ENTREP2: variants seen among roughly 807,000 people sequenced by gnomAD.
ENTREP2 encodes the protein protein ENTREP2.
chr15:29,548,928 CAACTT>C, the ENTREP2 span, among the ~76,000 whole-genome samples: 10 of 152,268 alleles, frequency 6.6e-5, no homozygotes, highest in South Asian at 1.5e-3. Context: ...TAATGAACTG[CAACTT>C]AACTTAGTAT....
the ENTREP2 span, among the ~76,000 whole-genome samples, chr15:29,537,531 A>T: frequency 6.6e-6 from 1 of 152,142 alleles, no homozygotes; most frequent in Non-Finnish European, 1.5e-5. Context: ...AGTACATGCA[A>T]ATCCAACTAT....
the ENTREP2 span, among the ~76,000 whole-genome samples, chr15:29,451,170 C>T: frequency 1.3e-5 from 2 of 152,216 alleles, no homozygotes; most frequent in Non-Finnish European, 2.9e-5. Context: ...TGCAGTTGTT[C>T]CCACTGAGCC....
the ENTREP2 span, among the ~76,000 whole-genome samples, chr15:29,544,738 A>C: frequency 0.015 from 2,279 of 152,198 alleles, 62 homozygotes; most frequent in African/African-American, 0.052. Context: ...TAGGTTCTGA[A>C]TTTCTTAAGG....
At chr15:29,587,473 A>G in the ENTREP2 span, among the ~76,000 whole-genome samples, 1 of 152,170 alleles carries the variant, frequency 6.6e-6, no homozygotes. Context: ...ATTGTAAGGC[A>G]TTCAAACCTA....
chr15:29,224,528 A>G, the ENTREP2 span, among the ~76,000 whole-genome samples: 56,027 of 151,958 alleles, frequency 0.37, 10,997 homozygotes, highest in East Asian at 0.6. Context: ...CTTTGACAGG[A>G]TGCTGATTGG....
At chr15:29,665,945 C>T in the ENTREP2 span, among the ~76,000 whole-genome samples, 260 of 151,440 alleles carry the variant, frequency 1.7e-3, 2 homozygotes, top group African/African-American at 6.1e-3. Flanking sequence ...CCTTCGCCTC[C>T]CGGGTTCAAA....
At chr15:29,514,054 G>A in the ENTREP2 span, among the ~76,000 whole-genome samples, 8 of 152,164 alleles carry the variant, frequency 5.3e-5, no homozygotes, top group Non-Finnish European at 8.8e-5. Flanking sequence ...TGGGGCAAGT[G>A]TTTTGCTTCT....
the ENTREP2 span, among the ~76,000 whole-genome samples, chr15:29,462,505 G>A: frequency 2.6e-5 from 4 of 152,074 alleles, no homozygotes; most frequent in Non-Finnish European, 5.9e-5. Context: ...AGCTACTCGG[G>A]AGGCTGAGGC....
the ENTREP2 span, among the ~76,000 whole-genome samples, chr15:29,195,888 T>C: frequency 6.6e-6 from 1 of 152,226 alleles, no homozygotes; most frequent in African/African-American, 2.4e-5. Context: ...AGAATTGGGT[T>C]CACTCTTCTT....
the ENTREP2 span, among the ~76,000 whole-genome samples, chr15:29,521,334 C>T: frequency 1.3e-5 from 2 of 152,242 alleles, no homozygotes; most frequent in East Asian, 1.9e-4. Flanking sequence ...ATAGCATAGC[C>T]GCAACAACTT....
chr15:29,266,935 A>G, the ENTREP2 span: 3 of 152,222 alleles, frequency 2.0e-5, no homozygotes, highest in Non-Finnish European at 1.5e-5. Flanking sequence ...CTGCTGGGTA[A>G]TAATTTTTAT....
the ENTREP2 span, among the ~76,000 whole-genome samples, chr15:29,264,658 C>G: frequency 6.6e-6 from 1 of 152,096 alleles, no homozygotes; most frequent in South Asian, 2.1e-4. Flanking sequence ...TCATAATAGT[C>G]AAGGAAAGAC....
the ENTREP2 span, among the ~76,000 whole-genome samples, chr15:29,665,131 G>A: frequency 0.058 from 8,767 of 152,288 alleles, 743 homozygotes; most frequent in African/African-American, 0.19. Flanking sequence ...CTGGCTCCCA[G>A]CCAGAGACCT....
At chr15:29,179,231 G>A in the ENTREP2 span, among the ~76,000 whole-genome samples, 3 of 152,216 alleles carry the variant, frequency 2.0e-5, no homozygotes, top group Admixed American at 1.3e-4. Context: ...TGCTGGTTTG[G>A]AACTGCTCTC....
At chr15:29,656,206 T>G in the ENTREP2 span, among the ~76,000 whole-genome samples, 1 of 151,712 alleles carries the variant, frequency 6.6e-6, no homozygotes, top group Admixed American at 6.6e-5. Context: ...ATCTGTGCTA[T>G]CAATATAAGA....
At chr15:29,151,595 A>G in the ENTREP2 span, 1 of 645,918 alleles carries the variant, frequency 1.5e-6, no homozygotes, top group Admixed American at 2.5e-5. Flanking sequence ...TTGGTCTTCC[A>G]GAGGGCAACA....
At chr15:29,537,853 C>T in the ENTREP2 span, among the ~76,000 whole-genome samples, 1 of 152,116 alleles carries the variant, frequency 6.6e-6, no homozygotes, top group Non-Finnish European at 1.5e-5. Context: ...ACTCCGCTGG[C>T]CTCCTTGCTG....
the ENTREP2 span, among the ~76,000 whole-genome samples, chr15:29,360,829 T>A: frequency 1.3e-5 from 2 of 152,204 alleles, no homozygotes; most frequent in South Asian, 4.1e-4. Flanking sequence ...TGCTAGAGTA[T>A]GTCCAGGAAG....
the ENTREP2 span, among the ~76,000 whole-genome samples, chr15:29,159,273 T>C: frequency 6.6e-6 from 1 of 152,080 alleles, no homozygotes; most frequent in Non-Finnish European, 1.5e-5. Flanking sequence ...GTGTCTGAAG[T>C]TGCTCATTCC....
Sources: allele counts gnomAD v4.1 joint callset (sites outside exome capture counted in the v4.1 genomes callset), GRCh38; gene constraint gnomAD v4.1.1; transcripts MANE v1.5; gene names NCBI Gene and HGNC (gene_info 2026-07-23, HGNC 2026-07-21).